Variants in CEP112 observed in about 807,000 individuals in gnomAD.
The protein encoded by CEP112 is centrosomal protein of 112 kDa.
CEP112 carries 127 observed loss-of-function variants against 153.0 expected under a neutral mutation model. The ratio of observed to expected loss-of-function variants is 0.83; its 90% CI spans 0.72 to 0.96. CEP112 has a LOEUF of 0.96. Ranked by LOEUF, CEP112 falls within the 40% of genes least tolerant of loss-of-function variation. The pLI is 0.00. For missense variants in CEP112, 1,089 were observed against 1,101.2 expected, an observed-to-expected ratio of 0.99 and a Z score of 0.16; for synonymous variants, 358 against 374.4, an observed-to-expected ratio of 0.96 and a Z score of 0.51.
intron 8 of CEP112, among the ~76,000 whole-genome samples, chr17:66,084,203 T>A (rs2067831029): frequency 6.6e-6 from 1 of 152,140 alleles, no homozygotes; most frequent in Admixed American, 6.5e-5. Flanking sequence ...CCTTGTACAC[T>A]GGGTTGGTGG....
At chr17:65,886,528 G>C (rs1162365387) in intron 20 of CEP112, among the ~76,000 whole-genome samples, 3 of 152,116 alleles carry the variant, frequency 2.0e-5, no homozygotes, top group African/African-American at 7.2e-5. Flanking sequence ...TAAGAATAGG[G>C]ACACTTTCCT....
chr17:65,842,170 G>T (rs1048835525), intron 21 of CEP112, among the ~76,000 whole-genome samples: 1 of 151,918 alleles, frequency 6.6e-6, no homozygotes, highest in Non-Finnish European at 1.5e-5. Flanking sequence ...ATTTTTAATG[G>T]TTCTATTAGA....
intron 6 of CEP112, among the ~76,000 whole-genome samples, chr17:66,108,901 G>A (rs968583655): frequency 6.6e-6 from 1 of 152,026 alleles, no homozygotes; most frequent in Non-Finnish European, 1.5e-5. Context: ...AAGAAAATGT[G>A]TTACTTACAC....
intron 4 of CEP112, among the ~76,000 whole-genome samples, chr17:66,158,468 C>T (rs899247216): frequency 6.6e-6 from 1 of 151,834 alleles, no homozygotes; most frequent in Non-Finnish European, 1.5e-5. Flanking sequence ...AAAAATGAGC[C>T]GGGCGTGGTG....
intron 16 of CEP112, among the ~76,000 whole-genome samples, chr17:66,015,721 T>C (rs566653592): frequency 1.5e-4 from 23 of 152,360 alleles, no homozygotes; most frequent in African/African-American, 5.5e-4. Context: ...TGTACTGTAA[T>C]TCAAACATTT....
chr17:65,847,919 G>A (rs2057786730), intron 21 of CEP112, among the ~76,000 whole-genome samples: 1 of 152,142 alleles, frequency 6.6e-6, no homozygotes, highest in Non-Finnish European at 1.5e-5. Context: ...CAAAGACCTG[G>A]AGGCAGGGGA....
At chr17:66,053,297 C>T (rs1329520762) in intron 12 of CEP112, among the ~76,000 whole-genome samples, 2 of 151,770 alleles carry the variant, frequency 1.3e-5, no homozygotes, top group African/African-American at 4.8e-5. Context: ...GTCAGGAGTT[C>T]GAGACCAGCC....
At chr17:66,028,067 TTA>T (rs34578179) in intron 15 of CEP112, among the ~76,000 whole-genome samples, 77,786 of 151,316 alleles carry the variant, frequency 0.51, 20,894 homozygotes, top group African/African-American at 0.59. Flanking sequence ...TAAATAAAAT[TTA>T]TTTTTAAAAC....
chr17:65,974,984 A>G (rs2062979282), intron 17 of CEP112, among the ~76,000 whole-genome samples: 1 of 152,068 alleles, frequency 6.6e-6, no homozygotes, highest in African/African-American at 2.4e-5. Flanking sequence ...AGGACAGGAG[A>G]GGGAAATTCT....
intron 19 of CEP112, among the ~76,000 whole-genome samples, chr17:65,916,250 AGTGT>A (rs3222034): frequency 0.013 from 1,624 of 129,916 alleles, 14 homozygotes; most frequent in African/African-American, 0.024. Context: ...TTTGAAAAAG[AGTGT>A]GTGTGTGTGT....
chr17:66,062,001 C>T (rs988871782), intron 11 of CEP112, among the ~76,000 whole-genome samples: 3 of 151,990 alleles, frequency 2.0e-5, no homozygotes, highest in South Asian at 2.1e-4. Context: ...TCATGAGATC[C>T]GATGGTTTTA....
intron 17 of CEP112, among the ~76,000 whole-genome samples, chr17:65,971,666 A>ACATGCATATTACATGCGTG (rs1568321111): frequency 1.8e-5 from 1 of 54,940 alleles, no homozygotes; most frequent in Admixed American, 3.9e-4. Context: ...ACATGCATGT[A>ACATGCATATTACATGCGTG]TGTTACATGC....
At chr17:66,092,753 A>G (rs1308713545) in intron 8 of CEP112, among the ~76,000 whole-genome samples, 1 of 152,202 alleles carries the variant, frequency 6.6e-6, no homozygotes, top group Admixed American at 6.5e-5. Flanking sequence ...ACCAATTAAC[A>G]GAATGAAGGA....
At chr17:65,846,180 G>A (rs1275720637) in intron 21 of CEP112, among the ~76,000 whole-genome samples, 1 of 152,076 alleles carries the variant, frequency 6.6e-6, no homozygotes, top group Non-Finnish European at 1.5e-5. Flanking sequence ...ATTTAAATAC[G>A]ATAAAAACAT....
At chr17:66,057,983 C>T (rs139215514) in intron 11 of CEP112, among the ~76,000 whole-genome samples, 2,191 of 152,072 alleles carry the variant, frequency 0.014, 20 homozygotes, top group Middle Eastern at 0.027. Context: ...ATTCCAGCTA[C>T]TTGGGAGGCT....
intron 17 of CEP112, among the ~76,000 whole-genome samples, chr17:65,971,017 A>G (rs896708113): frequency 6.6e-6 from 1 of 152,174 alleles, no homozygotes; most frequent in Non-Finnish European, 1.5e-5. Flanking sequence ...TTTGGAAGAT[A>G]ATTATTGGAA....
chr17:65,668,688 G>C (rs1169517216), intron 24 of CEP112, among the ~76,000 whole-genome samples: 1 of 152,204 alleles, frequency 6.6e-6, no homozygotes, highest in Non-Finnish European at 1.5e-5. Flanking sequence ...GATGGAACAA[G>C]AAGTGTTTCC....
chr17:65,657,553 C>T (rs1169613368), intron 24 of CEP112, among the ~76,000 whole-genome samples: 1 of 152,136 alleles, frequency 6.6e-6, no homozygotes, highest in African/African-American at 2.4e-5. Flanking sequence ...TGGGGAAAAC[C>T]TGGGGGAGGG....
intron 11 of CEP112, among the ~76,000 whole-genome samples, chr17:66,056,305 A>G (rs1381091614): frequency 6.6e-6 from 1 of 152,220 alleles, no homozygotes; most frequent in Non-Finnish European, 1.5e-5. Context: ...ACAGGTCAAT[A>G]GCGCAGCCAC....
Sources: gnomAD v4.1 joint callset for allele counts (sites outside exome capture counted in the v4.1 genomes callset) on GRCh38, gnomAD v4.1.1 for gene constraint, MANE v1.5 for transcripts, NCBI Gene and HGNC (gene_info 2026-07-23, HGNC 2026-07-21) for gene names.